Variants in PSD3 observed in about 807,000 individuals in gnomAD.
PSD3 encodes the protein PH and SEC7 domain-containing protein 3.
In PSD3, 49 loss-of-function variants were observed where a neutral mutation model predicts 105.5. The ratio of observed to expected loss-of-function variants is 0.46; its 90% CI spans 0.37 to 0.59. The LOEUF is 0.59. Ranked by LOEUF, PSD3 falls within the 20% of genes least tolerant of loss-of-function variation. PSD3 has a pLI of 0.00. For missense variants in PSD3, 1,561 were observed against 1,263.8 expected (o/e 1.24, Z -3.57); for synonymous variants, 557 against 457.8 (o/e 1.22, Z -2.77).
chr8:18,583,871 T>A lies in PSD3; in HGVS notation c.2482-8586A>T, dbSNP rs147794498. Among the ~76,000 whole-genome samples, 451 of 152,278 alleles carry A rather than the reference T, an allele frequency of 3.0e-3. 1 individual carries two copies. The highest frequency in any genetic ancestry group is 9.6e-3 in the African/African-American group (400 of 41,552). ...CTTGCTCACAATCATATCTCTAGTA[T>A]ACAACATTCTAGAAGACGGGCAAAG... On this transcript the variant is annotated intron_variant, in intron 12 of 15. Transcript: ENST00000327040.
chr8:18,762,225 C>T (rs1806600322), intron 9 of PSD3, among the ~76,000 whole-genome samples: 3 of 152,074 alleles, frequency 2.0e-5, no homozygotes, highest in South Asian at 4.1e-4. Flanking sequence ...GACGAGTGAG[C>T]TCTCCTGAGC....
chr8:18,588,987 C>T (rs1803400759), intron 12 of PSD3, among the ~76,000 whole-genome samples: 3 of 152,152 alleles, frequency 2.0e-5, no homozygotes, highest in Admixed American at 6.5e-5. Context: ...GCAGCTATGC[C>T]CCTTAACACA....
intron 1 of PSD3, among the ~76,000 whole-genome samples, chr8:18,991,355 C>CACACACAT (rs1563491862): frequency 2.9e-5 from 2 of 68,230 alleles, no homozygotes; most frequent in African/African-American, 1.3e-4. Flanking sequence ...CACACACATA[C>CACACACAT]ACACACACAC....
intron 1 of PSD3, among the ~76,000 whole-genome samples, chr8:19,060,419 C>A (rs1037342814): frequency 1.3e-5 from 2 of 152,160 alleles, no homozygotes; most frequent in South Asian, 4.1e-4. Context: ...TATAGCTCCA[C>A]TCTAACATAT....
intron 11 of PSD3, among the ~76,000 whole-genome samples, chr8:18,623,209 T>C (rs556518131): frequency 3.4e-5 from 5 of 145,834 alleles, no homozygotes; most frequent in African/African-American, 1.3e-4. Flanking sequence ...CTACGGATTT[T>C]TGTTTACTGA....
intron 9 of PSD3, among the ~76,000 whole-genome samples, chr8:18,718,466 TAGAC>T (rs1479887745): frequency 7.2e-5 from 11 of 152,346 alleles, no homozygotes; most frequent in African/African-American, 2.6e-4. Flanking sequence ...TTTAGCTTCA[TAGAC>T]AGATATACAG....
At chr8:19,028,240 T>C (rs1216299051) in intron 1 of PSD3, among the ~76,000 whole-genome samples, 4 of 149,524 alleles carry the variant, frequency 2.7e-5, no homozygotes, top group Admixed American at 1.4e-4. Flanking sequence ...TCTTCTTTCA[T>C]AAAGTGCCTG....
At chr8:18,575,067 G>A (rs1342733810) in intron 13 of PSD3, 61 bp downstream of exon 13, 3 of 1,486,454 alleles carry the variant, frequency 2.0e-6, no homozygotes, top group Non-Finnish European at 1.8e-6. Context: ...TTTGTTCCTT[G>A]CAATAAAGTA....
At position 18,527,870 on chromosome 8, in the gene PSD3, GGCT is replaced by G. The variant is rs1298013318; in HGVS notation, c.*7870_*7872del. On this transcript the variant is annotated 3_prime_UTR_variant, in exon 16 of 16. Coordinates refer to ENST00000327040, the MANE Select transcript of PSD3 (RefSeq NM_015310.4). ...ACAGTTTCGCCATTGAAAAGGAGCA[GGCT>G]GCTATTTTGTCACTAATTACTTTCA... The G allele has an allele frequency of 6.6e-5, 10 of 152,280 alleles. No homozygotes were observed. Among genetic ancestry groups the G allele is most frequent in the Non-Finnish European group, 1.0e-4 (7 of 68,018 alleles). The allele number at this position is 152,280 out of a possible 1,614,324, so 9.4% of individuals were successfully genotyped here.
intron 14 of PSD3, among the ~76,000 whole-genome samples, chr8:18,564,764 G>A (rs1403280130): frequency 2.0e-5 from 3 of 152,020 alleles, no homozygotes; most frequent in African/African-American, 4.8e-5. Context: ...CCCACTGCCC[G>A]TAAGGTCAGC....
intron 11 of PSD3, among the ~76,000 whole-genome samples, chr8:18,627,721 T>C (rs1392985100): frequency 6.6e-6 from 1 of 151,828 alleles, no homozygotes; most frequent in Non-Finnish European, 1.5e-5. Context: ...GTGTTTTTTT[T>C]AGATGAATAC....
intron 1 of PSD3, among the ~76,000 whole-genome samples, chr8:19,022,307 G>A (rs1827388610): frequency 6.6e-6 from 1 of 151,814 alleles, no homozygotes; most frequent in African/African-American, 2.4e-5. Flanking sequence ...ATATTAAGTG[G>A]GGTCCTCTAT....
chr8:19,071,779 G>C (rs990429559), intron 1 of PSD3, among the ~76,000 whole-genome samples: 1 of 152,096 alleles, frequency 6.6e-6, no homozygotes, highest in African/African-American at 2.4e-5. Context: ...GGAGTGCAAT[G>C]GCTCACTGCA....
In PSD3 at chr8:19,066,426, T is replaced by C. The variant is rs112535073; in HGVS notation, c.324+17780A>G. ...CTTGTTTTTTCTTTCACCAACACAC[T>C]ACTATCTTAGGGAGCAGAGGGTCAA... On this transcript the variant is annotated intron_variant, in intron 1 of 1. Coordinates refer to the PSD3 transcript ENST00000521475. Among the ~76,000 whole-genome samples, 630 of 152,324 alleles carry C rather than the reference T, an allele frequency of 4.1e-3. 11 individuals are homozygous for C. Among genetic ancestry groups the C allele is most frequent in the South Asian group, 0.028 (136 of 4,830 alleles).
At chr8:18,734,362 G>C (rs1803992857) in intron 9 of PSD3, 1 of 152,130 alleles carries the variant, frequency 6.6e-6, no homozygotes, top group African/African-American at 2.4e-5. Flanking sequence ...TATAAACTGT[G>C]TATGATTCTG....
intron 1 of PSD3, among the ~76,000 whole-genome samples, chr8:19,045,630 A>T (rs991332680): frequency 6.6e-6 from 1 of 152,224 alleles, no homozygotes; most frequent in Non-Finnish European, 1.5e-5. Context: ...ACAGAATGAT[A>T]GTAAGTAATT....
At chr8:18,783,609 GT>G (rs1476773572) in intron 8 of PSD3, among the ~76,000 whole-genome samples, 1 of 152,100 alleles carries the variant, frequency 6.6e-6, no homozygotes, top group Admixed American at 6.6e-5. Context: ...TATACCATAA[GT>G]TTTTTATGTT....
intron 1 of PSD3, among the ~76,000 whole-genome samples, chr8:18,997,307 T>C (rs1826134127): frequency 6.6e-6 from 1 of 151,902 alleles, no homozygotes; most frequent in Admixed American, 6.6e-5. Context: ...TCCTTCAAGA[T>C]GCACAGGCCA....
chr8:18,752,543 ATATTATATATAATTATATATAT>A, intron 9 of PSD3, among the ~76,000 whole-genome samples: 1 of 30,276 alleles, frequency 3.3e-5, no homozygotes, highest in Non-Finnish European at 4.9e-5. Flanking sequence ...TATATTATAT[ATATTATATATAATTATATATAT>A]TATATATATA....
Sources: gnomAD v4.1 joint callset for allele counts (sites outside exome capture counted in the v4.1 genomes callset) on GRCh38, gnomAD v4.1.1 for gene constraint, MANE v1.5 for transcripts, NCBI Gene and HGNC (gene_info 2026-07-23, HGNC 2026-07-21) for gene names.